The following CSMD2 variants were observed in gnomAD, a reference collection of about 807,000 sequenced individuals.
CSMD2 encodes CUB and sushi domain-containing protein 2.
In CSMD2, 130 loss-of-function variants were observed where a neutral mutation model predicts 398.5. The ratio of observed to expected loss-of-function variants is 0.33; its 90% confidence interval spans 0.28 to 0.38. CSMD2 has a LOEUF of 0.38. Ranked by LOEUF, CSMD2 falls within the 10% of genes least tolerant of loss-of-function variation. The pLI, the probability that CSMD2 is intolerant of heterozygous loss-of-function variation, is 1.00. For missense variants in CSMD2, 3,829 were observed against 4,764.9 expected (o/e 0.80, Z 5.78); for synonymous variants, 1,828 against 1,908.5 (o/e 0.96, Z 1.10).
chr1:33,569,880 G>C (rs976046771), intron 51 of CSMD2, among the ~76,000 whole-genome samples: 1 of 152,152 alleles, frequency 6.6e-6, no homozygotes, highest in Admixed American at 6.5e-5. Context: ...GCGATTCTGT[G>C]GTATGCTCCT....
At chr1:34,028,097 T>G (rs1649914094) in intron 3 of CSMD2, among the ~76,000 whole-genome samples, 1 of 152,110 alleles carries the variant, frequency 6.6e-6, no homozygotes, top group Admixed American at 6.6e-5. Flanking sequence ...GGCAGGCAGA[T>G]CGCTCCAGCT....
Position 33,533,983 on chromosome 1 carries a change from A to C in CSMD2, c.9880-76T>G. The C allele has an allele frequency of 1.2e-6, 1 of 827,886 alleles. No individual in the cohort carries two copies. The highest frequency in any genetic ancestry group is 2.1e-6 in the Non-Finnish European group (1 of 487,268). 51.3% of individuals were successfully genotyped at this position (827,886 alleles called of 1,614,324 possible). A position where few individuals can be genotyped will look rare whatever the true frequency, so the allele number is the denominator to read the frequency against. On this transcript the variant is annotated intron_variant, in intron 62 of 70. Transcript: ENST00000373381. The surrounding 1 kb of genome is among the most constrained non-coding windows in gnomAD (Gnocchi z 4.2). ...CTACGTCTGTCCCTTGACCACTTTC[A>C]CATGGCCCAACTCCTCCCGCACTGT...
At chr1:33,936,154 C>T (rs925516775) in intron 3 of CSMD2, among the ~76,000 whole-genome samples, 200 bp from the exon 4 acceptor site, 3 of 152,230 alleles carry the variant, frequency 2.0e-5, no homozygotes, top group African/African-American at 7.2e-5. Flanking sequence ...TCATAAGAGA[C>T]AAGGGTTACT....
At chr1:33,845,992 A>G (rs1308239419) in intron 6 of CSMD2, among the ~76,000 whole-genome samples, 4 of 152,258 alleles carry the variant, frequency 2.6e-5, no homozygotes, top group South Asian at 2.1e-4. Flanking sequence ...ATTAAAACCA[A>G]TAACAATTTG....
At chr1:34,154,576 G>T (rs182780100) in intron 1 of CSMD2, among the ~76,000 whole-genome samples, 1 of 152,106 alleles carries the variant, frequency 6.6e-6, no homozygotes, top group Non-Finnish European at 1.5e-5. Flanking sequence ...CCACTGACTA[G>T]GTACACTCAA....
At chr1:34,046,410 G>T (rs527507422) in intron 2 of CSMD2, among the ~76,000 whole-genome samples, 169 of 152,290 alleles carry the variant, frequency 1.1e-3, no homozygotes, top group African/African-American at 4.0e-3. Context: ...TACTTAATAA[G>T]TGGAGCTAAT....
At chr1:33,900,853 A>G (rs188132609) in intron 5 of CSMD2, among the ~76,000 whole-genome samples, 2 of 152,246 alleles carry the variant, frequency 1.3e-5, no homozygotes, top group African/African-American at 2.4e-5. Flanking sequence ...AGTGCCTGAA[A>G]CATGGTAGCT....
chr1:33,743,890 G>A (rs543646357), intron 13 of CSMD2, among the ~76,000 whole-genome samples: 50 of 152,256 alleles, frequency 3.3e-4, no homozygotes, highest in African/African-American at 1.1e-3. Context: ...CCTAGGATGC[G>A]GCCCAGATTT....
At chr1:33,586,841 C>T (rs953611680) in intron 45 of CSMD2, among the ~76,000 whole-genome samples, 1 of 152,188 alleles carries the variant, frequency 6.6e-6, no homozygotes, top group Non-Finnish European at 1.5e-5. Flanking sequence ...TACTGTCTTG[C>T]ATGGATTTAT....
intron 21 of CSMD2, among the ~76,000 whole-genome samples, chr1:33,711,411 T>C (rs1012851586): frequency 7.2e-5 from 11 of 152,224 alleles, no homozygotes; most frequent in Admixed American, 2.0e-4. Flanking sequence ...TCTGCCTTCA[T>C]CTGGACAATA....
At chr1:33,543,774 C>G (rs767266854) in intron 57 of CSMD2, among the ~76,000 whole-genome samples, 1 of 152,094 alleles carries the variant, frequency 6.6e-6, no homozygotes, top group African/African-American at 2.4e-5. Context: ...ATTTGCTTAC[C>G]CTGAAATACT....
chr1:33,691,985 G>A (rs756447497), intron 25 of CSMD2, among the ~76,000 whole-genome samples: 6 of 152,202 alleles, frequency 3.9e-5, no homozygotes, highest in African/African-American at 7.2e-5. Flanking sequence ...CAGTGCAATA[G>A]TGTGAAGATT....
At chr1:34,073,925 CTT>C (rs1656025013) in intron 2 of CSMD2, among the ~76,000 whole-genome samples, 1 of 152,182 alleles carries the variant, frequency 6.6e-6, no homozygotes, top group South Asian at 2.1e-4. Context: ...CCTCAGGAAA[CTT>C]ACAATCACGG....
intron 33 of CSMD2, among the ~76,000 whole-genome samples, chr1:33,625,701 C>T (rs1642078380): frequency 6.6e-6 from 1 of 152,122 alleles, no homozygotes; most frequent in East Asian, 1.9e-4. Context: ...TCCCTCCTGC[C>T]GCCCAGAATG....
intron 3 of CSMD2, among the ~76,000 whole-genome samples, chr1:33,969,454 TAGAC>T (rs1407244497): frequency 3.3e-5 from 5 of 152,188 alleles, no homozygotes; most frequent in Non-Finnish European, 5.9e-5. Flanking sequence ...GATGGATAGA[TAGAC>T]AGATAGATAG....
intron 1 of CSMD2, among the ~76,000 whole-genome samples, chr1:34,098,478 A>G (rs1014001162): frequency 1.3e-5 from 2 of 151,674 alleles, no homozygotes; most frequent in African/African-American, 4.8e-5. Context: ...GATTGTCACA[A>G]TGCATTGTTT....
chr1:33,586,667 A>G (rs1333851743), intron 45 of CSMD2, 50 bp from the exon 46 acceptor site: 1 of 1,223,320 alleles, frequency 8.2e-7, no homozygotes. Flanking sequence ...TCCAGTCATT[A>G]GTACCTTGAA....
chr1:34,059,971 C>T (rs1490707604), intron 2 of CSMD2, among the ~76,000 whole-genome samples: 4 of 152,172 alleles, frequency 2.6e-5, no homozygotes, highest in South Asian at 2.1e-4. Flanking sequence ...CATAGGGTCA[C>T]CTCTGGCCTG....
intron 4 of CSMD2, among the ~76,000 whole-genome samples, chr1:33,920,797 C>T (rs1643911509): frequency 6.6e-6 from 1 of 152,162 alleles, no homozygotes; most frequent in Non-Finnish European, 1.5e-5. Flanking sequence ...AGGTGGGGGC[C>T]TCTTGAAGCT....
Sources: gnomAD v4.1 joint callset for allele counts (sites outside exome capture counted in the v4.1 genomes callset) on GRCh38, gnomAD v4.1.1 for gene constraint, Gnocchi (gnomAD v3.1) non-coding constraint, MANE v1.5 for transcripts, NCBI Gene and HGNC (gene_info 2026-07-23, HGNC 2026-07-21) for gene names.